Variants in PRKAR1A observed in about 807,000 individuals in gnomAD.
PRKAR1A encodes the protein protein kinase cAMP-dependent type I regulatory subunit alpha.
PRKAR1A carries 3 observed loss-of-function variants against 52.0 expected under a neutral mutation model. That is an observed-to-expected ratio of 0.06 (90% CI 0.03 to 0.15). PRKAR1A has a LOEUF of 0.15. Ranked by LOEUF, PRKAR1A falls within the 10% of genes least tolerant of loss-of-function variation. PRKAR1A has a pLI of 1.00. For synonymous variants in PRKAR1A, 188 were observed against 168.4 expected (o/e 1.12, Z -0.90); for missense variants, 240 against 477.4 (o/e 0.50, Z 4.63).
the PRKAR1A span, among the ~76,000 whole-genome samples, chr17:68,506,400 T>A: frequency 1.3e-5 from 2 of 152,180 alleles, no homozygotes; most frequent in South Asian, 4.1e-4. Context: ...GCCCTTTCAA[T>A]GTACCCCCCC....
the PRKAR1A span, among the ~76,000 whole-genome samples, chr17:68,457,862 T>C: frequency 1.3e-5 from 2 of 152,156 alleles, no homozygotes; most frequent in African/African-American, 4.8e-5. Context: ...GGCGGTGTTT[T>C]CATTGCCGGA....
At chr17:68,453,479 CTTT>C in the PRKAR1A span, among the ~76,000 whole-genome samples, 12 of 136,186 alleles carry the variant, frequency 8.8e-5, no homozygotes, top group Admixed American at 1.5e-4. Context: ...TTTTCTTTTC[CTTT>C]TTTTTTTTTT....
chr17:68,493,426 A>C, the PRKAR1A span, among the ~76,000 whole-genome samples: 1 of 150,026 alleles, frequency 6.7e-6, no homozygotes, highest in African/African-American at 2.4e-5. Context: ...ATATAAAAAA[A>C]TTAAATAGGG....
the PRKAR1A span, among the ~76,000 whole-genome samples, chr17:68,504,782 C>A: frequency 2.0e-5 from 3 of 151,424 alleles, no homozygotes; most frequent in Non-Finnish European, 4.4e-5. Flanking sequence ...TTTGATAGCA[C>A]AATAGTAAAA....
intron 1 of PRKAR1A, 58 bp from the exon 2 acceptor site, chr17:68,515,335 GC>G: frequency 8.8e-6 from 14 of 1,588,754 alleles, no homozygotes. Context: ...CAAGTTAAAT[GC>G]CAGATTGACA....
chr17:68,543,129 TG>T (rs1415419779), intron 11 of PRKAR1A, among the ~76,000 whole-genome samples: 3 of 152,292 alleles, frequency 2.0e-5, no homozygotes, highest in Non-Finnish European at 2.9e-5. Context: ...CTGGCAATCT[TG>T]TTCAAATACA....
At chr17:68,464,278 A>G in the PRKAR1A span, among the ~76,000 whole-genome samples, 4 of 152,218 alleles carry the variant, frequency 2.6e-5, no homozygotes, top group Non-Finnish European at 5.9e-5. Context: ...CCTGCTTCAC[A>G]ACACATCCAT....
chr17:68,420,700 G>T, the PRKAR1A span: 1 of 545,342 alleles, frequency 1.8e-6, no homozygotes, highest in Non-Finnish European at 3.2e-6. Flanking sequence ...CACGGGCTTT[G>T]GAGTCAGGCA....
At chr17:68,529,261 C>T (rs547418880) in intron 9 of PRKAR1A, among the ~76,000 whole-genome samples, 1 of 152,236 alleles carries the variant, frequency 6.6e-6, no homozygotes, top group African/African-American at 2.4e-5. Flanking sequence ...TTCTAAAAAC[C>T]ATTTAACATA....
At chr17:68,431,202 G>T in the PRKAR1A span, among the ~76,000 whole-genome samples, 1 of 152,200 alleles carries the variant, frequency 6.6e-6, no homozygotes, top group Non-Finnish European at 1.5e-5. Context: ...ATGCGGTGCT[G>T]CACAGATGGT....
At chr17:68,488,269 G>C in the PRKAR1A span, among the ~76,000 whole-genome samples, 101 of 152,298 alleles carry the variant, frequency 6.6e-4, no homozygotes, top group Admixed American at 1.2e-3. Flanking sequence ...GGGAGCAGGA[G>C]AGAAGAGCTG....
intron 11 of PRKAR1A, chr17:68,540,104 C>T (rs1048580703): frequency 2.7e-6 from 2 of 750,358 alleles, no homozygotes; most frequent in Non-Finnish European, 4.7e-6. Flanking sequence ...CTCACACTGT[C>T]ATTTCCTCAG....
intron 11 of PRKAR1A, among the ~76,000 whole-genome samples, chr17:68,545,441 G>A (rs1458685780): frequency 2.6e-5 from 4 of 152,176 alleles, no homozygotes; most frequent in Admixed American, 2.6e-4. Context: ...TTATACTGGA[G>A]TCCAATAAAT....
chr17:68,508,351 G>A (rs2085222983), upstream of PRKAR1A, among the ~76,000 whole-genome samples: 1 of 152,196 alleles, frequency 6.6e-6, no homozygotes, highest in Non-Finnish European at 1.5e-5. Context: ...ACTATTCAGT[G>A]ATAAAAAGAA....
At chr17:68,456,104 T>C in the PRKAR1A span, among the ~76,000 whole-genome samples, 4 of 152,340 alleles carry the variant, frequency 2.6e-5, no homozygotes, top group African/African-American at 9.6e-5. Context: ...GTGTATGTGT[T>C]ATGGGTATTG....
the PRKAR1A span, among the ~76,000 whole-genome samples, chr17:68,456,695 G>A: frequency 6.6e-6 from 1 of 152,240 alleles, no homozygotes; most frequent in Non-Finnish European, 1.5e-5. Context: ...CTTGGACTCC[G>A]AGAAGGAGAT....
the PRKAR1A span, chr17:68,428,764 G>T: frequency 1.6e-6 from 2 of 1,282,760 alleles, no homozygotes; most frequent in Non-Finnish European, 2.3e-6. Flanking sequence ...TGTCGTTCTT[G>T]GCGAAGGGAC....
chr17:68,515,719 G>C, intron 2 of PRKAR1A, 143 bp downstream of exon 2: 2 of 1,031,722 alleles, frequency 1.9e-6, no homozygotes, highest in Non-Finnish European at 2.8e-6. Flanking sequence ...AAGAAATACA[G>C]TTAAGGCATT....
At chr17:68,474,515 C>T in the PRKAR1A span, among the ~76,000 whole-genome samples, 4 of 152,058 alleles carry the variant, frequency 2.6e-5, no homozygotes, top group African/African-American at 4.8e-5. Flanking sequence ...GAAGGCAGCG[C>T]GGCCTTGGGC....
Sources: gnomAD v4.1 joint callset for allele counts (sites outside exome capture counted in the v4.1 genomes callset) on GRCh38, gnomAD v4.1.1 for gene constraint, MANE v1.5 for transcripts, NCBI Gene and HGNC (gene_info 2026-07-23, HGNC 2026-07-21) for gene names.